SRD5A3: variants seen among roughly 807,000 people sequenced by gnomAD.
SRD5A3 encodes the protein steroid 5 alpha-reductase 3.
Under a neutral mutation model 34.3 loss-of-function variants are expected in SRD5A3, and 24 were observed. That is an observed-to-expected ratio of 0.70 (90% CI 0.51 to 0.99). SRD5A3 has a LOEUF of 0.99. Among genes scored for constraint, SRD5A3 ranks in the 50% least tolerant of loss-of-function variants. The pLI is 0.00. For missense variants in SRD5A3, 350 were observed against 388.2 expected (o/e 0.90, Z 0.83); for synonymous variants, 161 against 167.3 (o/e 0.96, Z 0.29).
In SRD5A3 at chr4:55,346,557, G is replaced by A. The variant is rs1246264746; in HGVS notation, c.221G>A (p.Arg74Lys). Residue 74 changes from arginine (R) to lysine (K), a missense_variant and splice_region_variant, in exon 1 of 5, where the codon AGA (arginine) becomes AAA (lysine). Around this residue, in one of 3 missense-constraint regions of SRD5A3, gnomAD observed 159 missense variants for 149.1 expected, o/e 1.07. Transcript: ENST00000264228. ...TGCCGAGCCTTTGATGTCCCCAAGAGGTAACCGCGCCCCGGTCCCGAGCCG... is the reference window on the plus strand; with the variant it reads ...TGCCGAGCCTTTGATGTCCCCAAGAAGTAACCGCGCCCCGGTCCCGAGCCG... ...AACRAFDVPK[R>K]YFSHFYIISV... The A allele has an allele frequency of 6.3e-7, 1 of 1,581,716 alleles. No homozygotes were observed. The highest frequency in any genetic ancestry group is 1.4e-5 in the African/African-American group (1 of 71,864).
At chr4:55,354,624 A>AGATAGCCACATGGTTTAG (rs1415660580) in intron 1 of SRD5A3, among the ~76,000 whole-genome samples, 1 of 152,112 alleles carries the variant, frequency 6.6e-6, no homozygotes, top group Non-Finnish European at 1.5e-5. Flanking sequence ...GCCTTTCCCC[A>AGATAGCCACATGGTTTAG]GATAGCCACA....
At chr4:55,347,593 A>G (rs911876146) in intron 1 of SRD5A3, among the ~76,000 whole-genome samples, 7 of 152,156 alleles carry the variant, frequency 4.6e-5, no homozygotes, top group African/African-American at 1.7e-4. Flanking sequence ...ATGGCACTGC[A>G]CTCTAGCCTG....
At chr4:55,350,364 C>T (rs1204614522) in intron 1 of SRD5A3, among the ~76,000 whole-genome samples, 2 of 152,104 alleles carry the variant, frequency 1.3e-5, no homozygotes, top group Non-Finnish European at 2.9e-5. Flanking sequence ...GATTGAAACT[C>T]CTCTCAAAAA....
At chr4:55,356,000 ATTTTTT>A (rs10648522) in intron 1 of SRD5A3, among the ~76,000 whole-genome samples, 4 of 74,264 alleles carry the variant, frequency 5.4e-5, no homozygotes, top group Admixed American at 4.4e-4. Context: ...TTTTGCCTCC[ATTTTTT>A]TTTTTTTTTT....
At chr4:55,355,445 G>A (rs997818186) in intron 1 of SRD5A3, among the ~76,000 whole-genome samples, 24 of 149,716 alleles carry the variant, frequency 1.6e-4, no homozygotes, top group East Asian at 5.9e-4. Context: ...GCAACAGAGC[G>A]AGACTCCGTC....
intron 2 of SRD5A3, 150 bp from the exon 3 acceptor site, chr4:55,363,924 T>C (rs1283854784): frequency 2.5e-6 from 2 of 799,912 alleles, no homozygotes; most frequent in African/African-American, 1.7e-5. Flanking sequence ...TGAAGTCAAA[T>C]TCCTTGACTT....
At chr4:55,364,502 G>A (rs540599467) in intron 3 of SRD5A3, 207 of 535,932 alleles carry the variant, frequency 3.9e-4, no homozygotes, top group Admixed American at 6.8e-4. Flanking sequence ...CTTGAGGCCA[G>A]GAGTTCGAGA....
rs116724719 is a variant in SRD5A3 at position 55,365,949 on chromosome 4, T to C, written c.563-1639T>C. Among the ~76,000 whole-genome samples, 669 of 152,328 alleles carry C rather than the reference T, an allele frequency of 4.4e-3. 3 individuals are homozygous for C. Among genetic ancestry groups the C allele is most frequent in the African/African-American group, 0.015 (640 of 41,576 alleles). On this transcript the variant is annotated intron_variant, in intron 3 of 4. Coordinates refer to ENST00000264228, the MANE Select transcript of SRD5A3 (RefSeq NM_024592.5). ...GCCTTCATTAGTAATTATTGACACA[T>C]ACTGATTTCACAGGGTTCTTCTTAA... is the stretch of plus-strand genomic sequence containing the variant.
chr4:55,351,912 CTTT>C (rs1380843465), intron 1 of SRD5A3: 3 of 680,764 alleles, frequency 4.4e-6, no homozygotes, highest in Non-Finnish European at 8.4e-6. Flanking sequence ...AGGGATTCTT[CTTT>C]TAAGGTCCTG....
rs780065677 is a variant in SRD5A3 at position 55,370,107 on chromosome 4, G to A, written c.*16G>A. The A allele has an allele frequency of 1.9e-6, 3 of 1,612,324 alleles. No homozygotes were observed. Among genetic ancestry groups the A allele is most frequent in the South Asian group, 2.2e-5 (2 of 91,012 alleles). ...TTTGTTTTAAGTTAACCTCAGTCAT[G>A]AAGAATGCAAACCAGGTGATGGTTT... On this transcript the variant is annotated 3_prime_UTR_variant, in exon 5 of 5. Transcript: ENST00000264228.
chr4:55,363,283 T>A (rs1440016773), intron 2 of SRD5A3, among the ~76,000 whole-genome samples: 1 of 152,044 alleles, frequency 6.6e-6, no homozygotes, highest in Non-Finnish European at 1.5e-5. Flanking sequence ...AATTTTTTTT[T>A]AATTAGTCAG....
rs2109490988 is a variant in SRD5A3, at chr4:55,371,233, A to G, written c.*1142A>G. 6.6e-6 allele frequency: 1 copy of G among 152,354 alleles called. No individual in the cohort carries two copies. Among genetic ancestry groups the G allele is most frequent in the South Asian group, 2.1e-4 (1 of 4,832 alleles). 9.4% of individuals were successfully genotyped at this position (152,354 alleles called of 1,614,324 possible). The stretch of plus-strand genomic sequence containing the variant: ...CATATGTAGTTATTCAAATTGGATT[A>G]ATGTCTGTGTGAGTTTATTTGAACT... On this transcript the variant is annotated 3_prime_UTR_variant, in exon 5 of 5. Transcript: ENST00000264228.
chr4:55,363,565 A>G (rs912689134), intron 2 of SRD5A3, among the ~76,000 whole-genome samples: 1 of 152,222 alleles, frequency 6.6e-6, no homozygotes, highest in African/African-American at 2.4e-5. Flanking sequence ...CGTGAAAGAC[A>G]GGTGAGGAAG....
chr4:55,370,237 G>A lies in SRD5A3; in HGVS notation c.*146G>A. On this transcript the variant is annotated 3_prime_UTR_variant, in exon 5 of 5. Coordinates refer to ENST00000264228, the MANE Select transcript of SRD5A3 (RefSeq NM_024592.5). ...TACCCCACAAGTTTTCACTGAATGA[G>A]CATGGCAGTGCCACTCAAGAAAATG... 1.0e-6 allele frequency: 1 copy of A among 990,932 alleles called. No homozygotes were observed. Among genetic ancestry groups the A allele is most frequent in the Non-Finnish European group, 1.5e-6 (1 of 653,674 alleles). The allele number at this position is 990,932 out of a possible 1,614,324, so 61.4% of individuals were successfully genotyped here.
intron 1 of SRD5A3, among the ~76,000 whole-genome samples, chr4:55,356,079 G>A (rs1053134749): frequency 3.1e-5 from 4 of 128,710 alleles, no homozygotes; most frequent in Non-Finnish European, 6.2e-5. Context: ...TGCAATCTTG[G>A]CTCACTACAA....
At position 55,368,673 on chromosome 4, in the gene SRD5A3, A is replaced by G. The variant is rs558503782; in HGVS notation, c.697+951A>G. 1.1e-4 allele frequency among the ~76,000 whole-genome samples: 16 copies of G among 151,792 alleles called. No individual in the cohort carries two copies. The South Asian group carries it at 3.3e-3, about 32-fold the overall frequency. ...AATCCTGACCTCAGGTGATCCACCC[A>G]CCTCGGCCTCCCAAAGTGCTGGGAT... On this transcript the variant is annotated intron_variant, in intron 4 of 4. Coordinates refer to ENST00000264228, the MANE Select transcript of SRD5A3 (RefSeq NM_024592.5).
chr4:55,364,458 CCCA>C (rs1289239555), intron 3 of SRD5A3, 187 bp downstream of exon 3: 1 of 658,226 alleles, frequency 1.5e-6, no homozygotes, highest in Non-Finnish European at 2.7e-6. Context: ...CACCTGTAAT[CCCA>C]CCACTTTGGG....
At chr4:55,359,564 C>T in intron 2 of SRD5A3, 76 bp downstream of exon 2, 1 of 1,593,286 alleles carries the variant, frequency 6.3e-7, no homozygotes, top group Non-Finnish European at 8.6e-7. Flanking sequence ...CAGTTTTTGG[C>T]ATTTTGTCTC....
chr4:55,351,822 G>A (rs1181435925), intron 1 of SRD5A3: 7 of 522,526 alleles, frequency 1.3e-5, no homozygotes, highest in Non-Finnish European at 2.6e-5. Context: ...TTAGAATCAA[G>A]GGGCTCCATA....
Sources: gnomAD v4.1 joint callset for allele counts (sites outside exome capture counted in the v4.1 genomes callset) on GRCh38, gnomAD v4.1.1 for gene constraint, gnomAD v4.1.1 regional missense constraint, MANE v1.5 for transcripts, NCBI Gene and HGNC (gene_info 2026-07-23, HGNC 2026-07-21) for gene names.